Variants in BAIAP2L1 observed in about 807,000 individuals in gnomAD.
BAIAP2L1 encodes the protein BAR/IMD domain containing adaptor protein 2 like 1.
A neutral mutation model predicts 66.3 loss-of-function variants in BAIAP2L1; 35 were observed. That is an observed-to-expected ratio of 0.53 (90% confidence interval 0.40 to 0.70). The LOEUF (loss-of-function observed/expected upper bound fraction) is 0.70, where lower values mean the gene tolerates loss of function less well. BAIAP2L1 is among the 30% of genes least tolerant of loss of function. The pLI, the probability that BAIAP2L1 is intolerant of heterozygous loss-of-function variation, is 0.00. For synonymous variants in BAIAP2L1, 269 were observed against 248.7 expected, an observed-to-expected ratio of 1.08 and a Z score of -0.77; for missense variants, 622 against 656.9, an observed-to-expected ratio of 0.95 and a Z score of 0.58.
intron 9 of BAIAP2L1, chr7:98,308,116 G>A (rs752475244): frequency 1.5e-6 from 1 of 672,704 alleles, no homozygotes; most frequent in South Asian, 1.5e-5. Context: ...CATGCACCGT[G>A]CAGAAGAGGA....
rs142061599 is a variant in BAIAP2L1 at position 98,342,041 on chromosome 7, ATTTTTTTTTT to A, written c.214+12991_214+13000del. 8.4e-5 allele frequency among the ~76,000 whole-genome samples: 8 copies of A among 95,070 alleles called. No individual in the cohort carries two copies. The East Asian group carries it at 1.0e-3, about 12-fold the overall frequency. The allele number at this position is 95,070 out of a possible 152,430, so 62.4% of individuals were successfully genotyped here. On this transcript the variant is annotated intron_variant, in intron 3 of 13. Transcript: ENST00000005260. ...AAAATGTTTCAGAAATTTTTTTCTG[ATTTTTTTTTT>A]TTTTTTTTTTTTTTTATAAAGACAG... is the stretch of plus-strand genomic sequence containing the variant.
intron 12 of BAIAP2L1, among the ~76,000 whole-genome samples, chr7:98,296,639 CAAAA>C (rs959938087): frequency 1.3e-5 from 2 of 152,090 alleles, no homozygotes. Flanking sequence ...AACAAAAAAA[CAAAA>C]AACCAACAAA....
At chr7:98,394,767 C>T (rs891476092) in intron 1 of BAIAP2L1, among the ~76,000 whole-genome samples, 11 of 152,188 alleles carry the variant, frequency 7.2e-5, no homozygotes, top group Non-Finnish European at 1.5e-4. Flanking sequence ...GGCCATCAGA[C>T]GTGAGCCAGA....
intron 3 of BAIAP2L1, among the ~76,000 whole-genome samples, chr7:98,352,669 T>C (rs986190280): frequency 2.0e-5 from 3 of 151,996 alleles, no homozygotes; most frequent in African/African-American, 7.2e-5. Context: ...AAATACCCCA[T>C]AGATATATAC....
chr7:98,313,612 G>A (rs1800959508), intron 7 of BAIAP2L1, among the ~76,000 whole-genome samples: 1 of 152,038 alleles, frequency 6.6e-6, no homozygotes, highest in South Asian at 2.1e-4. Context: ...TTCCTTTGCT[G>A]TAACCATTTT....
intron 1 of BAIAP2L1, among the ~76,000 whole-genome samples, chr7:98,388,974 A>G (rs1375190027): frequency 1.6e-5 from 2 of 121,658 alleles, no homozygotes; most frequent in East Asian, 4.4e-4. Flanking sequence ...TAAGAAATTA[A>G]AAAAAAAAAA....
chr7:98,326,041 A>C (rs1584458815), intron 3 of BAIAP2L1, among the ~76,000 whole-genome samples: 1 of 152,342 alleles, frequency 6.6e-6, no homozygotes, highest in Non-Finnish European at 1.5e-5. Context: ...CACAGCTCCC[A>C]GTTTTGGGAG....
intron 2 of BAIAP2L1, chr7:98,355,437 C>G (rs1286489336): frequency 2.8e-6 from 1 of 354,782 alleles, no homozygotes; most frequent in Non-Finnish European, 5.4e-6. Context: ...GCGTTCCTAA[C>G]GTTGAACTAG....
intron 3 of BAIAP2L1, among the ~76,000 whole-genome samples, chr7:98,329,960 C>A (rs903746607): frequency 6.6e-6 from 1 of 152,048 alleles, no homozygotes; most frequent in Non-Finnish European, 1.5e-5. Context: ...ACAACAGCAG[C>A]GAGAAAAAAC....
rs1006390453 is a variant in BAIAP2L1 at position 98,304,484 on chromosome 7, C to G, written c.1242-108G>C. On this transcript the variant is annotated intron_variant, in intron 11 of 13. Transcript: ENST00000005260. ...ACAACAGTAATAGTACATCACCAAT[C>G]AAAACCTGATCTTGATCTCACACAC... The G allele has an allele frequency of 2.6e-5, 28 of 1,066,704 alleles. No individual in the cohort carries two copies. In the African/African-American group the frequency reaches 3.3e-4, roughly 13 times the overall value. The allele number at this position is 1,066,704 out of a possible 1,614,324, so 66.1% of individuals were successfully genotyped here. A position where few individuals can be genotyped will look rare whatever the true frequency, so the allele number is the denominator to read the frequency against.
At chr7:98,326,563 G>A (rs1801385532) in intron 3 of BAIAP2L1, among the ~76,000 whole-genome samples, 1 of 152,110 alleles carries the variant, frequency 6.6e-6, no homozygotes, top group Non-Finnish European at 1.5e-5. Context: ...GACAACTTGA[G>A]CACCAAAATA....
chr7:98,374,069 C>T (rs943003944), intron 1 of BAIAP2L1, among the ~76,000 whole-genome samples: 4 of 152,108 alleles, frequency 2.6e-5, no homozygotes, highest in East Asian at 1.9e-4. Flanking sequence ...CCTCCCACCT[C>T]AGCCTCCGAG....
At chr7:98,308,324 G>A (rs770229660) in intron 9 of BAIAP2L1, 4 of 457,998 alleles carry the variant, frequency 8.7e-6, no homozygotes, top group South Asian at 6.2e-5. Context: ...AAGAAAAGAA[G>A]AAAGCTGGAA....
At chr7:98,366,552 CTT>C (rs773934100) in intron 1 of BAIAP2L1, among the ~76,000 whole-genome samples, 7 of 152,206 alleles carry the variant, frequency 4.6e-5, no homozygotes, top group Non-Finnish European at 1.0e-4. Flanking sequence ...CTTTAGGTCT[CTT>C]GTCAATGGAT....
chr7:98,317,456 C>T, intron 5 of BAIAP2L1, 100 bp from the exon 6 acceptor site: 2 of 1,432,652 alleles, frequency 1.4e-6, no homozygotes, highest in Non-Finnish European at 1.9e-6. Flanking sequence ...CTCAACGGGG[C>T]CCTGACACCC....
intron 3 of BAIAP2L1, among the ~76,000 whole-genome samples, chr7:98,346,598 C>T (rs781468795): frequency 2.0e-5 from 3 of 152,202 alleles, no homozygotes; most frequent in Middle Eastern, 3.4e-3. Flanking sequence ...AGGACTTATG[C>T]GACTAGATAC....
chr7:98,390,207 G>A (rs1044507845), intron 1 of BAIAP2L1, among the ~76,000 whole-genome samples: 9 of 151,726 alleles, frequency 5.9e-5, no homozygotes, highest in African/African-American at 1.7e-4. Context: ...GAGCCACTGC[G>A]CCCGGTCTCG....
At chr7:98,390,210 C>T (rs56286037) in intron 1 of BAIAP2L1, among the ~76,000 whole-genome samples, 57,336 of 151,240 alleles carry the variant, frequency 0.38, 12,363 homozygotes, top group Middle Eastern at 0.54. Flanking sequence ...CCACTGCGCC[C>T]GGTCTCGGGT....
At chr7:98,332,382 C>CAAAAAAAAAAAAAAAAAAA (rs55987839) in intron 3 of BAIAP2L1, among the ~76,000 whole-genome samples, 1 of 27,752 alleles carries the variant, frequency 3.6e-5, no homozygotes, top group Non-Finnish European at 5.5e-5. Context: ...GACTCCATCT[C>CAAAAAAAAAAAAAAAAAAA]AAAAAAAAAA....
Sources: allele counts gnomAD v4.1 joint callset (sites outside exome capture counted in the v4.1 genomes callset), GRCh38; gene constraint gnomAD v4.1.1; transcripts MANE v1.5; gene names NCBI Gene and HGNC (gene_info 2026-07-23, HGNC 2026-07-21).